PTDSS1: variants seen among roughly 807,000 people sequenced by gnomAD.
PTDSS1 encodes phosphatidylserine synthase 1.
In PTDSS1, 45 loss-of-function variants were observed where a neutral mutation model predicts 70.5. The ratio of observed to expected loss-of-function variants is 0.64; its 90% CI spans 0.50 to 0.82. The LOEUF (loss-of-function observed/expected upper bound fraction) is 0.82. Ranked by LOEUF, PTDSS1 falls within the 40% of genes least tolerant of loss-of-function variation. PTDSS1 has a pLI of 0.00. For synonymous variants in PTDSS1, 188 were observed against 203.8 expected, an observed-to-expected ratio of 0.92 and a Z score of 0.66; for missense variants, 417 against 586.1, an observed-to-expected ratio of 0.71 and a Z score of 2.98.
chr8:96,332,101 G>T (rs1331304988), intron 12 of PTDSS1, among the ~76,000 whole-genome samples: 3 of 148,496 alleles, frequency 2.0e-5, no homozygotes, highest in African/African-American at 7.4e-5. Flanking sequence ...CATTTTAATG[G>T]CATTTATTCA....
At chr8:96,316,182 G>A (rs562456440) in intron 9 of PTDSS1, among the ~76,000 whole-genome samples, 2 of 152,208 alleles carry the variant, frequency 1.3e-5, no homozygotes, top group South Asian at 2.1e-4. Flanking sequence ...GCCCTGACCC[G>A]GGTCCCCATG....
intron 9 of PTDSS1, among the ~76,000 whole-genome samples, chr8:96,315,484 GC>G (rs1163938090): frequency 6.6e-6 from 1 of 152,160 alleles, no homozygotes; most frequent in African/African-American, 2.4e-5. Flanking sequence ...ACACACACGA[GC>G]CTAGAGCTTT....
chr8:96,333,816 C>G lies in PTDSS1; in HGVS notation c.*250C>G. ...ACTTCAGCACTTGACATGCGGTCAC[C>G]GGTGGCAGCGCGGTGTGTTGAAGGG... On this transcript the variant is annotated 3_prime_UTR_variant, in exon 13 of 13. Transcript: ENST00000517309. 1.4e-6 allele frequency: 1 copy of G among 690,464 alleles called. No individual in the cohort carries two copies. Among genetic ancestry groups the G allele is most frequent in the African/African-American group, 1.8e-5 (1 of 56,718 alleles). The allele number at this position is 690,464 out of a possible 1,614,324, so 42.8% of individuals were successfully genotyped here.
In PTDSS1 at chr8:96,331,020, C is replaced by T. The variant is rs1811508159; in HGVS notation, c.1243-6C>T. 1 of 1,611,964 alleles carries T rather than the reference C, an allele frequency of 6.2e-7. No homozygotes were observed. The highest frequency in any genetic ancestry group is 8.5e-7 in the Non-Finnish European group (1 of 1,178,010). On this transcript the variant is annotated splice_region_variant and splice_polypyrimidine_tract_variant and intron_variant, in intron 11 of 12. Coordinates refer to ENST00000517309, the MANE Select transcript of PTDSS1 (RefSeq NM_014754.3). Reference sequence around the variant, plus strand: ...ATTCCTGCACTAAGCCTGTCTCTCTCCCTAGACCTACTCGGAGTGTGAAGA... The same window carrying T: ...ATTCCTGCACTAAGCCTGTCTCTCTTCCTAGACCTACTCGGAGTGTGAAGA...
rs1282466547 is a variant in PTDSS1, at chr8:96,334,180, C to T, written c.*614C>T. 5.1e-6 allele frequency: 1 copy of T among 195,638 alleles called. No homozygotes were observed. Among genetic ancestry groups the T allele is most frequent in the African/African-American group, 2.3e-5 (1 of 42,716 alleles). 12.1% of individuals were successfully genotyped at this position (195,638 alleles called of 1,614,324 possible). A position where few individuals can be genotyped will look rare whatever the true frequency, so the allele number is the denominator to read the frequency against. The stretch of plus-strand genomic sequence containing the variant: ...AGGTGTTGTATTCCTGTTTGGTAAC[C>T]TCAGTCTCCTGTAAGACCTCCTACC... On this transcript the variant is annotated 3_prime_UTR_variant, in exon 13 of 13. Transcript: ENST00000517309.
chr8:96,308,828 T>G (rs1034752112), intron 8 of PTDSS1, among the ~76,000 whole-genome samples: 3 of 152,254 alleles, frequency 2.0e-5, no homozygotes, highest in African/African-American at 4.8e-5. Flanking sequence ...ATTTATGGCT[T>G]GCATTATATT....
intron 2 of PTDSS1, among the ~76,000 whole-genome samples, chr8:96,276,442 A>C (rs927670733): frequency 6.6e-6 from 1 of 152,154 alleles, no homozygotes; most frequent in African/African-American, 2.4e-5. Context: ...GAAAGATAAA[A>C]CTGAAGCTCG....
intron 5 of PTDSS1, among the ~76,000 whole-genome samples, chr8:96,296,132 CTTTTTTTT>C (rs34559310): frequency 3.7e-5 from 2 of 54,270 alleles, no homozygotes; most frequent in Non-Finnish European, 7.0e-5. Flanking sequence ...TCATGGTGTT[CTTTTTTTT>C]TTTTTTTTTT....
chr8:96,297,475 G>A (rs1261099955), intron 5 of PTDSS1, among the ~76,000 whole-genome samples: 1 of 152,090 alleles, frequency 6.6e-6, no homozygotes, highest in African/African-American at 2.4e-5. Context: ...ACCGTACCAG[G>A]CCTCCATTAC....
intron 6 of PTDSS1, among the ~76,000 whole-genome samples, chr8:96,303,471 AT>A (rs1811078217): frequency 6.6e-6 from 1 of 152,174 alleles, no homozygotes; most frequent in Admixed American, 6.5e-5. Context: ...CAGTTATTAA[AT>A]AGTATTTATT....
chr8:96,334,481 G>C lies in PTDSS1; in HGVS notation c.*915G>C, dbSNP rs1312391956. 6.6e-6 allele frequency: 1 copy of C among 152,572 alleles called. No individual in the cohort carries two copies. The highest frequency in any genetic ancestry group is 1.5e-5 in the Non-Finnish European group (1 of 68,046). 9.5% of individuals were successfully genotyped at this position (152,572 alleles called of 1,614,324 possible). ...CATCTGTGCCATGCTCTAGAACCTT[G>C]ACCTTGATAGTTCACCACCTCTGAT... On this transcript the variant is annotated 3_prime_UTR_variant, in exon 13 of 13. Transcript: ENST00000517309.
intron 10 of PTDSS1, among the ~76,000 whole-genome samples, chr8:96,327,506 T>G (rs1384585472): frequency 2.0e-5 from 3 of 152,144 alleles, no homozygotes; most frequent in African/African-American, 7.2e-5. Flanking sequence ...AGAGCAAGAT[T>G]GATCGCAGAC....
chr8:96,278,340 G>A (rs925516550), intron 2 of PTDSS1, among the ~76,000 whole-genome samples: 1 of 152,188 alleles, frequency 6.6e-6, no homozygotes, highest in Non-Finnish European at 1.5e-5. Flanking sequence ...TGCTGGTTTA[G>A]AATCCACCCC....
intron 6 of PTDSS1, among the ~76,000 whole-genome samples, chr8:96,303,485 A>G (rs772871941): frequency 3.9e-5 from 6 of 152,134 alleles, no homozygotes; most frequent in Admixed American, 6.6e-5. Flanking sequence ...TATTTATTAT[A>G]CCTTGGGTTT....
chr8:96,333,690 G>T lies in PTDSS1; in HGVS notation c.*124G>T. The T allele has an allele frequency of 1.1e-6, 1 of 888,116 alleles. No individual in the cohort carries two copies. The highest frequency in any genetic ancestry group is 1.9e-6 in the Non-Finnish European group (1 of 538,688). The allele number at this position is 888,116 out of a possible 1,614,324, so 55.0% of individuals were successfully genotyped here. A position where few individuals can be genotyped will look rare whatever the true frequency, so the allele number is the denominator to read the frequency against. Reference sequence around the variant, plus strand: ...CAAGCAGGAAGAGGCGAGGGCACTTGGGGGTCATTATTTGAGATCGTAAGT... The same window carrying T: ...CAAGCAGGAAGAGGCGAGGGCACTTTGGGGTCATTATTTGAGATCGTAAGT... On this transcript the variant is annotated 3_prime_UTR_variant, in exon 13 of 13. Transcript: ENST00000517309.
intron 2 of PTDSS1, among the ~76,000 whole-genome samples, chr8:96,282,625 G>T (rs1462038899): frequency 2.0e-5 from 3 of 152,142 alleles, no homozygotes; most frequent in African/African-American, 4.8e-5. Context: ...TTGAATGGTG[G>T]GGGGTACTTG....
At chr8:96,333,380 C>A in intron 12 of PTDSS1, 77 bp from the exon 13 acceptor site, 1 of 1,320,188 alleles carries the variant, frequency 7.6e-7, no homozygotes, top group Non-Finnish European at 1.1e-6. Context: ...CCCCGGCAAG[C>A]CTAGGGCGGT....
intron 9 of PTDSS1, among the ~76,000 whole-genome samples, chr8:96,310,415 G>A (rs918934942): frequency 6.6e-6 from 1 of 151,588 alleles, no homozygotes; most frequent in Non-Finnish European, 1.5e-5. Context: ...GACCCCCTTG[G>A]CCTCCCAAAG....
At chr8:96,282,742 G>A (rs920702143) in intron 2 of PTDSS1, among the ~76,000 whole-genome samples, 1 of 152,190 alleles carries the variant, frequency 6.6e-6, no homozygotes, top group African/African-American at 2.4e-5. Flanking sequence ...ATGAATTCAG[G>A]AATAAAAATT....
Sources: allele counts gnomAD v4.1 joint callset (sites outside exome capture counted in the v4.1 genomes callset), GRCh38; gene constraint gnomAD v4.1.1; transcripts MANE v1.5; gene names NCBI Gene and HGNC (gene_info 2026-07-23, HGNC 2026-07-21).